Variants in GRK5 observed in about 807,000 individuals in gnomAD.
GRK5 encodes the protein G protein-coupled receptor kinase 5, also known as g protein-coupled receptor kinase GRK5.
In GRK5, 40 loss-of-function variants were observed where a neutral mutation model predicts 78.4. That is an observed-to-expected ratio of 0.51 (90% CI 0.40 to 0.66). The LOEUF (loss-of-function observed/expected upper bound fraction) is 0.66, where lower values mean the gene tolerates loss of function less well. Ranked by LOEUF, GRK5 falls within the 30% of genes least tolerant of loss-of-function variation. The pLI is 0.00. For missense variants in GRK5, 598 were observed against 759.9 expected (o/e 0.79, Z 2.50); for synonymous variants, 289 against 296.8 (o/e 0.97, Z 0.27).
rs144905257 is a variant in GRK5, at chr10:119,264,930, C to T, written c.52+56961C>T. 4.5e-3 allele frequency among the ~76,000 whole-genome samples: 679 copies of T among 152,268 alleles called. 4 individuals carry two copies. Among genetic ancestry groups the T allele is most frequent in the African/African-American group, 0.016 (648 of 41,546 alleles). On this transcript the variant is annotated intron_variant, in intron 1 of 15. Transcript: ENST00000392870. This position sits in a 1 kb window ranked among gnomAD's most constrained non-coding sequence, Gnocchi z 4.1. ...CCATAGAGCAAGGCACAGACCTGTCCCTGGGAGCTCAGTGTCCTGTTGGGA... is the reference window on the plus strand; with the variant it reads ...CCATAGAGCAAGGCACAGACCTGTCTCTGGGAGCTCAGTGTCCTGTTGGGA...
chr10:119,290,144 C>T (rs958321944), intron 1 of GRK5, among the ~76,000 whole-genome samples: 2 of 151,902 alleles, frequency 1.3e-5, no homozygotes, highest in African/African-American at 2.4e-5. Flanking sequence ...CTCAGGAGTT[C>T]GAGACTACCC....
At chr10:119,211,415 C>CT (rs1394309022) in intron 1 of GRK5, 9 of 152,104 alleles carry the variant, frequency 5.9e-5, no homozygotes, top group African/African-American at 2.2e-4. Context: ...TGCTGAGTGC[C>CT]TTTTGTGTGT....
chr10:119,218,258 A>G (rs1181871580), intron 1 of GRK5, among the ~76,000 whole-genome samples: 1 of 152,140 alleles, frequency 6.6e-6, no homozygotes, highest in African/African-American at 2.4e-5. Flanking sequence ...ACAGGAAGCC[A>G]TGCTTTTGAT....
chr10:119,328,493 C>G (rs1850716305), intron 2 of GRK5, among the ~76,000 whole-genome samples: 1 of 152,188 alleles, frequency 6.6e-6, no homozygotes, highest in Non-Finnish European at 1.5e-5. Flanking sequence ...AGCAAGTACC[C>G]CCTTTCTGGT....
rs77323445 is a variant in GRK5, at chr10:119,448,130, C to T, written c.1274C>T (p.Thr425Met). 2,745 of 1,551,482 alleles carry T rather than the reference C, an allele frequency of 1.8e-3. 41 individuals are homozygous for T. The African/African-American group carries it at 0.034, about 19-fold the overall frequency. ...TGGGGCTCTCTGTTTCAGCTGCTCA[C>T]GAAAGATGCGAAGCAGAGGCTGGGC... The part of the protein sequence containing the change: ...EAKSICKMLL[T>M]KDAKQRLGCQ... The change falls in exon 13 of 16, where the codon ACG becomes ATG. Residue 425 changes from threonine to methionine, a missense_variant. Thr to Met is a moderately conservative substitution (Grantham distance 81). Transcript: ENST00000392870.
intron 1 of GRK5, among the ~76,000 whole-genome samples, chr10:119,299,959 C>T (rs539962840): frequency 6.6e-6 from 1 of 152,230 alleles, no homozygotes; most frequent in South Asian, 2.1e-4. Context: ...CTAGCCCTCC[C>T]CCTTCCCCAC....
intron 8 of GRK5, among the ~76,000 whole-genome samples, chr10:119,434,675 C>T (rs1852886203): frequency 6.6e-6 from 1 of 152,240 alleles, no homozygotes; most frequent in South Asian, 2.1e-4. Context: ...CTTTCATGGG[C>T]TGGCATTGAG....
At chr10:119,229,658 A>G (rs17449) in intron 1 of GRK5, among the ~76,000 whole-genome samples, 3,142 of 152,232 alleles carry the variant, frequency 0.021, 93 homozygotes, top group African/African-American at 0.072. Flanking sequence ...CAGGTACATG[A>G]TCAACTCCAT....
At chr10:119,333,741 G>C (rs374614212) in intron 2 of GRK5, 35 of 531,152 alleles carry the variant, frequency 6.6e-5, no homozygotes, top group Non-Finnish European at 1.3e-4. Context: ...CATGTTTAGT[G>C]AGCACTGAAA....
chr10:119,245,855 A>G (rs543027827), intron 1 of GRK5, among the ~76,000 whole-genome samples: 2 of 151,646 alleles, frequency 1.3e-5, no homozygotes, highest in African/African-American at 4.8e-5. Flanking sequence ...GTCTCTACTA[A>G]AAAAATACAA....
chr10:119,237,689 G>T (rs771063378), intron 1 of GRK5, among the ~76,000 whole-genome samples: 2 of 152,186 alleles, frequency 1.3e-5, no homozygotes, highest in African/African-American at 2.4e-5. Context: ...GAGCCGGAGA[G>T]GGGGAGGGAA....
intron 1 of GRK5, among the ~76,000 whole-genome samples, chr10:119,322,704 T>C (rs1048111957): frequency 3.3e-5 from 5 of 152,198 alleles, no homozygotes; most frequent in African/African-American, 1.2e-4. Context: ...TCACAGAGGA[T>C]TGGGGTACAG....
chr10:119,417,936 C>A (rs1477902836), intron 4 of GRK5, among the ~76,000 whole-genome samples: 1 of 152,224 alleles, frequency 6.6e-6, no homozygotes, highest in Admixed American at 6.5e-5. Context: ...GAGGTACATT[C>A]TGGTCATCAC....
Position 119,452,649 on chromosome 10 carries a change from ACCGGCCCTCTGC to A in GRK5, c.1405-19_1405-8del, listed in dbSNP as rs1772098053. ...GAGCCGCAGGCGGGACATATGTGTG[ACCGGCCCTCTGC>A]CCCTGGCAGCCCCGCGCTGTGTACT... On this transcript the variant is annotated splice_polypyrimidine_tract_variant and intron_variant, in intron 13 of 15. Coordinates refer to ENST00000392870, the MANE Select transcript of GRK5 (RefSeq NM_005308.3). The surrounding 1 kb of genome is among the most constrained non-coding windows in gnomAD (Gnocchi z 4.4). 6.2e-7 allele frequency: 1 copy of A among 1,613,416 alleles called. No homozygotes were observed. The highest frequency in any genetic ancestry group is 1.7e-5 in the Admixed American group (1 of 59,978).
chr10:119,439,831 C>T, intron 10 of GRK5, 63 bp downstream of exon 10: 7 of 1,515,188 alleles, frequency 4.6e-6, no homozygotes, highest in Admixed American at 1.7e-5. Flanking sequence ...CAAAGGGCCT[C>T]CCAGGGATTC....
intron 3 of GRK5, among the ~76,000 whole-genome samples, chr10:119,383,248 C>CT: frequency 6.6e-6 from 1 of 152,308 alleles, no homozygotes. Flanking sequence ...TTATACGTTG[C>CT]TAGTTGGATC....
intron 4 of GRK5, among the ~76,000 whole-genome samples, chr10:119,397,621 G>A (rs952800296): frequency 1.3e-5 from 2 of 152,244 alleles, no homozygotes; most frequent in African/African-American, 4.8e-5. Context: ...CAGCTCCCCG[G>A]AAGAGTATAC....
chr10:119,261,635 G>C (rs1259560140), intron 1 of GRK5, among the ~76,000 whole-genome samples: 1 of 152,258 alleles, frequency 6.6e-6, no homozygotes, highest in Non-Finnish European at 1.5e-5. Flanking sequence ...ACCAGACTCT[G>C]TCTGCAATCC....
chr10:119,247,893 C>T (rs567898930), intron 1 of GRK5, among the ~76,000 whole-genome samples: 87 of 152,230 alleles, frequency 5.7e-4, no homozygotes, highest in African/African-American at 1.9e-3. Flanking sequence ...TCATGAAAGT[C>T]CCCCCCACCC....
Sources: gnomAD v4.1 joint callset for allele counts (sites outside exome capture counted in the v4.1 genomes callset) on GRCh38, gnomAD v4.1.1 for gene constraint, Gnocchi (gnomAD v3.1) non-coding constraint, MANE v1.5 for transcripts, NCBI Gene and HGNC (gene_info 2026-07-23, HGNC 2026-07-21) for gene names.